CAMTA1: variants seen among roughly 807,000 people sequenced by gnomAD.
CAMTA1 encodes calmodulin-binding transcription activator 1.
Under a neutral mutation model 170.9 loss-of-function variants are expected in CAMTA1, and 27 were observed. That is an observed-to-expected ratio of 0.16 (90% CI 0.12 to 0.22). The LOEUF (loss-of-function observed/expected upper bound fraction) is 0.22. Among genes scored for constraint, CAMTA1 ranks in the 10% least tolerant of loss-of-function variants. CAMTA1 has a pLI of 1.00. For missense variants in CAMTA1, 1,619 were observed against 2,217.2 expected (o/e 0.73, Z 5.42); for synonymous variants, 833 against 891.5 (o/e 0.93, Z 1.17).
In CAMTA1 at chr1:7,151,711, C is replaced by T. The variant is rs1184897332; in HGVS notation, c.302+60340C>T. Among the ~76,000 whole-genome samples the T allele has an allele frequency of 5.3e-5, 8 of 152,290 alleles. No homozygotes were observed. In the South Asian group the frequency reaches 1.2e-3, roughly 24 times the overall value. On this transcript the variant is annotated intron_variant, in intron 4 of 22. Coordinates refer to ENST00000303635, the MANE Select transcript of CAMTA1 (RefSeq NM_015215.4). ...TTGGGGTGTGTCTCCCAGTCGAGGA[C>T]GGAGGACATGGCAGGCTGCTGGTGC... is the stretch of plus-strand genomic sequence containing the variant.
At chr1:6,836,230 GC>G (rs1268065576) in intron 3 of CAMTA1, among the ~76,000 whole-genome samples, 1 of 152,214 alleles carries the variant, frequency 6.6e-6, no homozygotes, top group Admixed American at 6.5e-5. Flanking sequence ...CAGTATTAGT[GC>G]TTTTAGAAAG....
chr1:7,145,531 G>A (rs1228167288), intron 4 of CAMTA1, among the ~76,000 whole-genome samples: 1 of 152,188 alleles, frequency 6.6e-6, no homozygotes, highest in African/African-American at 2.4e-5. Flanking sequence ...CTTGGAAGGA[G>A]GGTGACTTGG....
At chr1:6,919,390 C>T (rs1015304346) in intron 3 of CAMTA1, among the ~76,000 whole-genome samples, 10 of 152,134 alleles carry the variant, frequency 6.6e-5, no homozygotes, top group East Asian at 3.9e-4. Context: ...TAAGGGTGTG[C>T]GACAGCCATG....
At chr1:7,058,685 G>A (rs191912092) in intron 3 of CAMTA1, among the ~76,000 whole-genome samples, 211 of 152,146 alleles carry the variant, frequency 1.4e-3, no homozygotes, top group Non-Finnish European at 2.7e-3. Flanking sequence ...CGTCTGGATG[G>A]GCAGATTTGC....
intron 3 of CAMTA1, among the ~76,000 whole-genome samples, chr1:7,078,186 A>G (rs1329588781): frequency 6.6e-6 from 1 of 152,356 alleles, no homozygotes; most frequent in East Asian, 1.9e-4. Context: ...CTTTCTACGC[A>G]CATAGAATCC....
At position 6,965,225 on chromosome 1, in the gene CAMTA1, GTGTC is replaced by G. The variant is rs956419315; in HGVS notation, c.235-126075_235-126072del. 9.9e-5 allele frequency among the ~76,000 whole-genome samples: 15 copies of G among 152,190 alleles called. No homozygotes were observed. Among genetic ancestry groups the G allele is most frequent in the Non-Finnish European group, 2.1e-4 (14 of 68,034 alleles). ...TGTGTATGACTTTGTGTGCTTGTGT[GTGTC>G]TGTGCATGTGTGCATGTGTGTGGGC... is the stretch of plus-strand genomic sequence containing the variant. On this transcript the variant is annotated intron_variant, in intron 3 of 22. Transcript: ENST00000303635. This position sits in a 1 kb window ranked among gnomAD's most constrained non-coding sequence, Gnocchi z 4.1.
At chr1:7,205,275 G>T (rs1294446952) in intron 4 of CAMTA1, among the ~76,000 whole-genome samples, 1 of 152,010 alleles carries the variant, frequency 6.6e-6, no homozygotes, top group East Asian at 1.9e-4. Flanking sequence ...GGCTAATTTT[G>T]TATTTTTAAT....
At chr1:7,670,395 C>T (rs1244489901) in intron 9 of CAMTA1, among the ~76,000 whole-genome samples, 1 of 152,224 alleles carries the variant, frequency 6.6e-6, no homozygotes, top group African/African-American at 2.4e-5. Context: ...GCCATCCCCA[C>T]AGCCTGGGGA....
chr1:7,180,536 G>C (rs867325368), intron 4 of CAMTA1, among the ~76,000 whole-genome samples: 3 of 24,288 alleles, frequency 1.2e-4, no homozygotes, highest in African/African-American at 4.8e-4. Context: ...TTTTTTTTTT[G>C]AGACCGGGCC....
chr1:6,967,986 C>A (rs1691854144), intron 3 of CAMTA1, among the ~76,000 whole-genome samples: 1 of 152,180 alleles, frequency 6.6e-6, no homozygotes, highest in Non-Finnish European at 1.5e-5. Context: ...CCAGAGGGCA[C>A]ATTATAAATA....
intron 5 of CAMTA1, among the ~76,000 whole-genome samples, chr1:7,260,545 C>T (rs1410342003): frequency 1.3e-5 from 2 of 152,166 alleles, no homozygotes; most frequent in Admixed American, 6.5e-5. Flanking sequence ...AGGGCTAGTC[C>T]CAGTGATACA....
chr1:7,247,624 G>A (rs771490179), intron 4 of CAMTA1, among the ~76,000 whole-genome samples: 1 of 152,094 alleles, frequency 6.6e-6, no homozygotes, highest in Admixed American at 6.5e-5. Flanking sequence ...TGAGCCACAC[G>A]CAGAGCCCAC....
At chr1:7,247,731 C>T (rs936504161) in intron 4 of CAMTA1, among the ~76,000 whole-genome samples, 17 of 152,036 alleles carry the variant, frequency 1.1e-4, no homozygotes, top group East Asian at 7.7e-4. Flanking sequence ...CTTTCAGGGG[C>T]GGGGAGGGCT....
At chr1:7,554,406 A>G (rs918937106) in intron 6 of CAMTA1, among the ~76,000 whole-genome samples, 1 of 152,138 alleles carries the variant, frequency 6.6e-6, no homozygotes, top group Non-Finnish European at 1.5e-5. Flanking sequence ...CTTGCCTTAC[A>G]TGCTGCGATA....
intron 3 of CAMTA1, among the ~76,000 whole-genome samples, chr1:6,835,128 A>G (rs1315292300): frequency 6.6e-6 from 1 of 152,200 alleles, no homozygotes; most frequent in Non-Finnish European, 1.5e-5. Flanking sequence ...ATACCTGTCC[A>G]GTACTGAAGC....
chr1:7,586,907 C>T (rs1265550225), intron 6 of CAMTA1, among the ~76,000 whole-genome samples: 2 of 151,972 alleles, frequency 1.3e-5, no homozygotes, highest in Non-Finnish European at 2.9e-5. Flanking sequence ...GGGACGTCCC[C>T]ACCTTGTGGC....
intron 5 of CAMTA1, among the ~76,000 whole-genome samples, chr1:7,312,372 C>T (rs546129205): frequency 3.3e-4 from 46 of 137,830 alleles, no homozygotes; most frequent in Middle Eastern, 3.7e-3. Context: ...TTTTCTTGCT[C>T]CTTGAGCTGC....
intron 3 of CAMTA1, among the ~76,000 whole-genome samples, chr1:6,832,408 T>C (rs1232732368): frequency 6.6e-6 from 1 of 152,192 alleles, no homozygotes; most frequent in Non-Finnish European, 1.5e-5. Flanking sequence ...ATTTAGTCTT[T>C]TTTTGGTGTC....
At chr1:7,013,074 C>G (rs1380438266) in intron 3 of CAMTA1, among the ~76,000 whole-genome samples, 1 of 152,134 alleles carries the variant, frequency 6.6e-6, no homozygotes, top group Non-Finnish European at 1.5e-5. Flanking sequence ...AGACCTTCAA[C>G]AAACCCTGTG....
Sources: gnomAD v4.1 joint callset for allele counts (sites outside exome capture counted in the v4.1 genomes callset) on GRCh38, gnomAD v4.1.1 for gene constraint, Gnocchi (gnomAD v3.1) non-coding constraint, MANE v1.5 for transcripts, NCBI Gene and HGNC (gene_info 2026-07-23, HGNC 2026-07-21) for gene names.